TRPC4AP: variants seen among roughly 807,000 people sequenced by gnomAD.
TRPC4AP encodes transient receptor potential cation channel subfamily C member 4 associated protein.
TRPC4AP carries 45 observed loss-of-function variants against 99.0 expected under a neutral mutation model. The observed-to-expected ratio is 0.45, with a 90% CI of 0.36 to 0.58. The LOEUF is 0.58. Ranked by LOEUF, TRPC4AP falls within the 20% of genes least tolerant of loss-of-function variation. The pLI is 0.00. For synonymous variants in TRPC4AP, 408 were observed against 385.8 expected (o/e 1.06, Z -0.67); for missense variants, 879 against 985.3 (o/e 0.89, Z 1.44).
At chr20:35,045,282 C>A (rs1324627916) in intron 6 of TRPC4AP, among the ~76,000 whole-genome samples, 4 of 152,144 alleles carry the variant, frequency 2.6e-5, no homozygotes, top group Non-Finnish European at 4.4e-5. Context: ...CCATACTATA[C>A]CTTACTTTTC....
At chr20:35,070,838 A>G (rs1191407248) in intron 2 of TRPC4AP, among the ~76,000 whole-genome samples, 1 of 152,246 alleles carries the variant, frequency 6.6e-6, no homozygotes, top group Middle Eastern at 3.2e-3. Context: ...TGACGGCCAC[A>G]GAATCCTTTG....
chr20:35,021,406 C>T (rs368431855), intron 8 of TRPC4AP, 50 bp from the exon 9 acceptor site: 1,297 of 1,593,356 alleles, frequency 8.1e-4, no homozygotes, highest in Non-Finnish European at 9.8e-4. Context: ...TGAGGAAACA[C>T]GTTTCTGCCC....
At chr20:35,040,399 G>C (rs1429849627) in intron 7 of TRPC4AP, among the ~76,000 whole-genome samples, 2 of 152,188 alleles carry the variant, frequency 1.3e-5, no homozygotes, top group African/African-American at 4.8e-5. Flanking sequence ...CCCTTCTGGA[G>C]TGGGAAGTTT....
chr20:35,012,453 A>G (rs1177798281), intron 11 of TRPC4AP, among the ~76,000 whole-genome samples: 2 of 152,146 alleles, frequency 1.3e-5, no homozygotes, highest in Non-Finnish European at 2.9e-5. Context: ...CACCTCCCCA[A>G]TGCCAAGGTC....
chr20:35,006,138 T>G (rs779781535), intron 15 of TRPC4AP, among the ~76,000 whole-genome samples: 116 of 151,932 alleles, frequency 7.6e-4, no homozygotes, highest in Non-Finnish European at 1.5e-3. Context: ...CCAGGCCCAG[T>G]CCCTCCCTAC....
chr20:35,068,969 ACACAC>A (rs1374560992), intron 3 of TRPC4AP, among the ~76,000 whole-genome samples: 3 of 64,190 alleles, frequency 4.7e-5, no homozygotes, highest in African/African-American at 1.7e-4. Flanking sequence ...ACACACACAC[ACACAC>A]ACACAAAAAA....
Position 35,047,782 on chromosome 20 carries a change from T to C in TRPC4AP, c.657+2084A>G, listed in dbSNP as rs146444280. ...GACCCGATGGACTGACTTTACAACC[T>C]TCTGGGTTTCAATCCTAAGAATCAC... On this transcript the variant is annotated intron_variant, in intron 6 of 18. Coordinates refer to ENST00000252015, the MANE Select transcript of TRPC4AP (RefSeq NM_015638.3). Among the ~76,000 whole-genome samples the C allele has an allele frequency of 1.2e-3, 185 of 152,308 alleles. 1 individual carries two copies. Among genetic ancestry groups the C allele is most frequent in the African/African-American group, 4.2e-3 (176 of 41,574 alleles).
At chr20:35,084,406 T>C (rs1160573596) in intron 1 of TRPC4AP, among the ~76,000 whole-genome samples, 1 of 151,310 alleles carries the variant, frequency 6.6e-6, no homozygotes, top group African/African-American at 2.4e-5. Flanking sequence ...GTAAAATAAA[T>C]TAAAGGATGC....
chr20:35,016,223 T>G, intron 9 of TRPC4AP, 84 bp from the exon 10 acceptor site: 1 of 1,523,220 alleles, frequency 6.6e-7, no homozygotes, highest in Admixed American at 1.7e-5. Flanking sequence ...CACACGATAA[T>G]GATATTCAGG....
chr20:35,024,344 A>C (rs1289979810), intron 8 of TRPC4AP, among the ~76,000 whole-genome samples: 1 of 152,174 alleles, frequency 6.6e-6, no homozygotes, highest in African/African-American at 2.4e-5. Flanking sequence ...GCTCTAGGCA[A>C]CCATGAAACT....
At chr20:35,008,573 G>T in intron 13 of TRPC4AP, 91 bp downstream of exon 13, 1 of 1,091,296 alleles carries the variant, frequency 9.2e-7, no homozygotes, top group Non-Finnish European at 1.4e-6. Context: ...AGGCATGGAC[G>T]CTGGTGACTA....
chr20:35,084,728 G>A (rs7264779), intron 1 of TRPC4AP, among the ~76,000 whole-genome samples: 6,030 of 106,090 alleles, frequency 0.057, 762 homozygotes, highest in African/African-American at 0.23. Context: ...ATGCATATAT[G>A]TGTATATGTA....
chr20:35,010,411 C>T, intron 11 of TRPC4AP, 123 bp from the exon 12 acceptor site: 1 of 748,632 alleles, frequency 1.3e-6, no homozygotes, highest in East Asian at 2.7e-5. Flanking sequence ...CCACCAGGCA[C>T]TTTCCTCTAG....
rs1239399120 is a variant in TRPC4AP, at chr20:35,049,913, A to G, written c.610T>C (p.Phe204Leu). The change falls in exon 6 of 19, where the codon TTC becomes CTC. Residue 204 changes from phenylalanine (F) to leucine (L), a missense_variant. Around this residue, in one of 3 missense-constraint regions of TRPC4AP, gnomAD observed 603 missense variants for 631.8 expected, o/e 0.95. Transcript: ENST00000252015. ...LFTLMTSKKT[F>L]LQTATLIEDI... The stretch of plus-strand genomic sequence containing the variant: ...TCAATGAGGGTTGCTGTTTGTAAGA[A>G]TGTCTTCTTACTTGTCATCAATGTA... The G allele has an allele frequency of 1.2e-6, 2 of 1,614,060 alleles. No homozygotes were observed. The highest frequency in any genetic ancestry group is 1.7e-6 in the Non-Finnish European group (2 of 1,179,982).
intron 10 of TRPC4AP, among the ~76,000 whole-genome samples, chr20:35,013,822 C>T (rs2147279340): frequency 6.6e-6 from 1 of 152,276 alleles, no homozygotes; most frequent in South Asian, 2.1e-4. Flanking sequence ...AGCATGTACA[C>T]TTGGTGAAAG....
At chr20:35,084,115 C>T (rs1000898956) in intron 1 of TRPC4AP, among the ~76,000 whole-genome samples, 3 of 151,920 alleles carry the variant, frequency 2.0e-5, no homozygotes, top group African/African-American at 7.3e-5. Flanking sequence ...GCCTGGCCAA[C>T]ATAGTGAAAC....
chr20:35,063,379 C>G (rs1413920798), intron 3 of TRPC4AP, among the ~76,000 whole-genome samples: 4 of 152,144 alleles, frequency 2.6e-5, no homozygotes. Flanking sequence ...GGATATTTCA[C>G]AACAGGCATA....
chr20:35,018,532 G>A (rs2082803983), intron 9 of TRPC4AP, among the ~76,000 whole-genome samples: 2 of 148,938 alleles, frequency 1.3e-5, no homozygotes, highest in Non-Finnish European at 3.0e-5. Flanking sequence ...GGAGGCAGAG[G>A]TTGCAGTGAG....
chr20:35,070,139 T>C (rs1377397975), intron 2 of TRPC4AP, among the ~76,000 whole-genome samples: 1 of 152,086 alleles, frequency 6.6e-6, no homozygotes, highest in Non-Finnish European at 1.5e-5. Context: ...ATTCCAGATA[T>C]CTCAGTACCA....
Sources: allele counts gnomAD v4.1 joint callset (sites outside exome capture counted in the v4.1 genomes callset), GRCh38; gene constraint gnomAD v4.1.1; regional missense constraint gnomAD v4.1.1; transcripts MANE v1.5; gene names NCBI Gene and HGNC (gene_info 2026-07-23, HGNC 2026-07-21).